UNC13C: variants seen among roughly 807,000 people sequenced by gnomAD.
UNC13C encodes the protein protein unc-13 homolog C.
Under a neutral mutation model 245.4 loss-of-function variants are expected in UNC13C, and 174 were observed. The observed-to-expected ratio is 0.71, with a 90% CI of 0.63 to 0.80. The LOEUF is 0.80. Ranked by LOEUF, UNC13C falls within the 30% of genes least tolerant of loss-of-function variation. The pLI, the probability that UNC13C is intolerant of heterozygous loss-of-function variation, is 0.00. For synonymous variants in UNC13C, 992 were observed against 895.1 expected, an observed-to-expected ratio of 1.11 and a Z score of -1.93; for missense variants, 2,829 against 2,602.9, an observed-to-expected ratio of 1.09 and a Z score of -1.89.
At chr15:54,536,918 AACAAG>A (rs1896006947) in intron 26 of UNC13C, among the ~76,000 whole-genome samples, 4 of 152,106 alleles carry the variant, frequency 2.6e-5, no homozygotes, top group Non-Finnish European at 5.9e-5. Context: ...TGAGAACCAG[AACAAG>A]ACAAGGATGC....
chr15:54,361,146 T>C (rs1301601776), intron 17 of UNC13C, among the ~76,000 whole-genome samples: 1 of 152,160 alleles, frequency 6.6e-6, no homozygotes, highest in Non-Finnish European at 1.5e-5. Flanking sequence ...ATAGGACTTC[T>C]TTACTCTTTT....
intron 2 of UNC13C, among the ~76,000 whole-genome samples, chr15:54,033,115 G>A (rs1023689330): frequency 1.3e-5 from 2 of 151,932 alleles, no homozygotes; most frequent in Non-Finnish European, 1.5e-5. Context: ...AATACCACGT[G>A]TTCCCTAAAA....
intron 4 of UNC13C, among the ~76,000 whole-genome samples, chr15:54,207,102 T>A (rs916582139): frequency 6.6e-6 from 1 of 150,472 alleles, no homozygotes; most frequent in Non-Finnish European, 1.5e-5. Flanking sequence ...GCAGTGGCAC[T>A]TTATTGATGA....
At chr15:53,889,716 G>A in the UNC13C span, among the ~76,000 whole-genome samples, 5 of 152,098 alleles carry the variant, frequency 3.3e-5, no homozygotes, top group African/African-American at 1.2e-4. Flanking sequence ...TTATTATTTT[G>A]TGATACATTC....
chr15:54,573,854 C>T (rs917853044), intron 30 of UNC13C, among the ~76,000 whole-genome samples: 1 of 152,100 alleles, frequency 6.6e-6, no homozygotes, highest in Admixed American at 6.5e-5. Flanking sequence ...AGTAATAGTG[C>T]TCAGTCTAGG....
At chr15:54,149,131 T>C (rs1297992235) in intron 4 of UNC13C, among the ~76,000 whole-genome samples, 3 of 152,156 alleles carry the variant, frequency 2.0e-5, no homozygotes, top group Non-Finnish European at 4.4e-5. Flanking sequence ...CCTGCTGCCA[T>C]GTAAGAGACG....
intron 2 of UNC13C, among the ~76,000 whole-genome samples, chr15:54,066,162 G>A (rs1054615371): frequency 1.4e-4 from 21 of 152,256 alleles, no homozygotes; most frequent in African/African-American, 4.8e-4. Flanking sequence ...TCACTTTTGT[G>A]GTGTCAATAA....
chr15:53,991,748 T>C (rs1894400445), intron 1 of UNC13C, among the ~76,000 whole-genome samples: 1 of 152,204 alleles, frequency 6.6e-6, no homozygotes, highest in South Asian at 2.1e-4. Flanking sequence ...GGTAATTGCA[T>C]CCACATTGTT....
chr15:54,596,193 C>T (rs956291352), intron 30 of UNC13C, among the ~76,000 whole-genome samples: 7 of 152,120 alleles, frequency 4.6e-5, no homozygotes, highest in African/African-American at 1.4e-4. Context: ...TTATCTTTAT[C>T]AGAAAGTTGT....
At chr15:53,926,566 A>G in the UNC13C span, among the ~76,000 whole-genome samples, 2 of 152,196 alleles carry the variant, frequency 1.3e-5, no homozygotes, top group Admixed American at 1.3e-4. Context: ...CTATGTATCA[A>G]AGAGATAAGG....
chr15:54,162,241 A>T (rs1254430704), intron 4 of UNC13C, among the ~76,000 whole-genome samples: 3 of 152,178 alleles, frequency 2.0e-5, no homozygotes, highest in East Asian at 3.8e-4. Context: ...GACTAGATAT[A>T]ATCCCCAGTA....
chr15:54,185,880 T>C (rs896589753), intron 4 of UNC13C, among the ~76,000 whole-genome samples: 3 of 151,162 alleles, frequency 2.0e-5, no homozygotes. Flanking sequence ...ATTTTCACGA[T>C]ATTGATTCTT....
chr15:53,898,679 A>T, the UNC13C span, among the ~76,000 whole-genome samples: 2 of 152,178 alleles, frequency 1.3e-5, no homozygotes, highest in African/African-American at 2.4e-5. Context: ...ATGTGTATGT[A>T]TTTAAGGTGT....
At chr15:54,098,600 T>G (rs1900004323) in intron 2 of UNC13C, among the ~76,000 whole-genome samples, 2 of 151,532 alleles carry the variant, frequency 1.3e-5, no homozygotes, top group Non-Finnish European at 2.9e-5. Context: ...TCACTTCATG[T>G]TTTTTTTTCT....
At position 54,608,034 on chromosome 15, in the gene UNC13C, C is replaced by T. The variant is rs973144466; in HGVS notation, c.6107-14293C>T. Among the ~76,000 whole-genome samples, 81 of 152,122 alleles carry T rather than the reference C, an allele frequency of 5.3e-4. 1 individual carries two copies. Among genetic ancestry groups the T allele is most frequent in the African/African-American group, 1.7e-3 (72 of 41,408 alleles). ...ATTTGAAAAAACAAAAAGCCAGTTT[C>T]TCTCCACTAAACAGATGAAGTTCAA... On this transcript the variant is annotated intron_variant, in intron 30 of 32. Coordinates refer to ENST00000260323, the MANE Select transcript of UNC13C (RefSeq NM_001080534.3).
chr15:54,061,364 G>A (rs962060830), intron 2 of UNC13C, among the ~76,000 whole-genome samples: 52 of 152,004 alleles, frequency 3.4e-4, no homozygotes, highest in Admixed American at 2.8e-3. Flanking sequence ...AAGAAAAATG[G>A]TACTCTATTT....
intron 11 of UNC13C, among the ~76,000 whole-genome samples, chr15:54,294,494 C>A (rs140587685): frequency 5.8e-4 from 88 of 152,078 alleles, no homozygotes; most frequent in African/African-American, 2.1e-3. Flanking sequence ...GACGGTATAA[C>A]AGTAGGCTTT....
intron 19 of UNC13C, among the ~76,000 whole-genome samples, chr15:54,489,811 G>A (rs1332136259): frequency 2.6e-5 from 4 of 152,112 alleles, no homozygotes; most frequent in Non-Finnish European, 5.9e-5. Flanking sequence ...CCACTTAAGG[G>A]CAAACATCAC....
intron 17 of UNC13C, among the ~76,000 whole-genome samples, chr15:54,350,844 A>G (rs778511167): frequency 6.6e-6 from 1 of 152,210 alleles, no homozygotes; most frequent in Non-Finnish European, 1.5e-5. Context: ...CATTCTTTAA[A>G]GATGGTTTTC....
Sources: gnomAD v4.1 joint callset for allele counts (sites outside exome capture counted in the v4.1 genomes callset) on GRCh38, gnomAD v4.1.1 for gene constraint, MANE v1.5 for transcripts, NCBI Gene and HGNC (gene_info 2026-07-23, HGNC 2026-07-21) for gene names.